TMEM30A: variants seen among roughly 807,000 people sequenced by gnomAD.
The protein encoded by TMEM30A is cell cycle control protein 50A.
TMEM30A carries 24 observed loss-of-function variants against 38.2 expected under a neutral mutation model. That is an observed-to-expected ratio of 0.63 (90% CI 0.46 to 0.88). The LOEUF is 0.88. Ranked by LOEUF, TMEM30A falls within the 40% of genes least tolerant of loss-of-function variation. TMEM30A has a pLI of 0.00. For synonymous variants in TMEM30A, 145 were observed against 161.6 expected (o/e 0.90, Z 0.78); for missense variants, 370 against 458.6 (o/e 0.81, Z 1.77).
chr6:75,265,859 G>A (rs1181786906), intron 2 of TMEM30A, among the ~76,000 whole-genome samples: 2 of 151,994 alleles, frequency 1.3e-5, no homozygotes, highest in Admixed American at 6.6e-5. Flanking sequence ...ACCACGTGCA[G>A]TTGAAACTTT....
At position 75,256,181 on chromosome 6, in the gene TMEM30A, G is replaced by C; in HGVS notation, c.1007C>G (p.Ser336Cys). The change falls in exon 7 of 7, where the codon TCC (serine) becomes TGC (cysteine). Residue 336 changes from serine to cysteine, a missense_variant. By Grantham distance (112) the Ser-to-Cys change is moderately radical. Coordinates refer to ENST00000230461, the MANE Select transcript of TMEM30A (RefSeq NM_018247.4). ...TAGCAGTACAACTCCCAGAAGGAAG[G>C]AGATGGATCCAACAGCGATGTAAGC... The part of the protein sequence containing the change: ...GIAYIAVGSI[S>C]FLLGVVLLVI... 1 of 1,613,400 alleles carries C rather than the reference G, an allele frequency of 6.2e-7. No individual in the cohort carries two copies. Among genetic ancestry groups the C allele is most frequent in the Non-Finnish European group, 8.5e-7 (1 of 1,179,484 alleles).
At chr6:75,265,182 T>C (rs753251091) in intron 3 of TMEM30A, 49 bp downstream of exon 3, 7 of 1,150,892 alleles carry the variant, frequency 6.1e-6, no homozygotes, top group African/African-American at 1.6e-5. Context: ...AGTTACTACA[T>C]ATTCTTATTT....
In TMEM30A at chr6:75,284,695, G is replaced by T; in HGVS notation, c.-57C>A. 1 of 1,576,868 alleles carries T rather than the reference G, an allele frequency of 6.3e-7. No homozygotes were observed. On this transcript the variant is annotated 5_prime_UTR_variant, in exon 1 of 7. Transcript: ENST00000230461. ...GGTGGACCACCCAGGGGGCCCGCCG[G>T]CTGACCCTGACAGGAACCGCTCGAG... is the stretch of plus-strand genomic sequence containing the variant.
chr6:75,269,135 A>C (rs1431729984), intron 1 of TMEM30A, among the ~76,000 whole-genome samples: 1 of 152,166 alleles, frequency 6.6e-6, no homozygotes, highest in African/African-American at 2.4e-5. Flanking sequence ...CATTTGCTAT[A>C]ATCGACGAAC....
In TMEM30A at chr6:75,259,353, A is replaced by C; in HGVS notation, c.679T>G (p.Phe227Val). 1.2e-6 allele frequency: 2 copies of C among 1,610,066 alleles called. No individual in the cohort carries two copies. The highest frequency in any genetic ancestry group is 1.7e-6 in the Non-Finnish European group (2 of 1,178,832). ...PPGGDNLEERFKGTTKPVNWL... is the reference protein window; with the variant it reads ...PPGGDNLEERVKGTTKPVNWL... ...GATATTAGTAATGTTTTACCTTTAA[A>C]TCGTTCTTCCAGGTTGTCTCCTCCA... Residue 227 changes from phenylalanine to valine, a missense_variant, in exon 5 of 7, where the codon TTT (phenylalanine) becomes GTT (valine). Physicochemically the swap from Phe to Val is conservative, Grantham distance 50. Transcript: ENST00000230461.
At position 75,280,768 on chromosome 6, in the gene TMEM30A, C is replaced by A. The variant is rs565782248; in HGVS notation, c.237+3634G>T. Among the ~76,000 whole-genome samples the A allele has an allele frequency of 2.7e-3, 411 of 152,152 alleles. 1 individual carries two copies. Among genetic ancestry groups the A allele is most frequent in the African/African-American group, 9.6e-3 (400 of 41,542 alleles). ...ACTAAAATCAACTTGAATATTAAAA[C>A]CTTAAACTTTTTAACATAAAAGTGC... On this transcript the variant is annotated intron_variant, in intron 1 of 6. Transcript: ENST00000230461.
intron 1 of TMEM30A, among the ~76,000 whole-genome samples, chr6:75,278,749 T>C (rs923840284): frequency 3.9e-5 from 6 of 152,210 alleles, no homozygotes. Context: ...CCTCGTTTAA[T>C]ATATTCATTA....
chr6:75,258,661 T>C (rs1771909988), intron 6 of TMEM30A, 119 bp downstream of exon 6: 1 of 814,258 alleles, frequency 1.2e-6, no homozygotes, highest in Non-Finnish European at 1.9e-6. Context: ...ACACATACTT[T>C]TGTAAAAATG....
At chr6:75,258,744 C>T in intron 6 of TMEM30A, 36 bp downstream of exon 6, 1 of 1,591,256 alleles carries the variant, frequency 6.3e-7, no homozygotes, top group South Asian at 1.1e-5. Flanking sequence ...TCCTTTCAAG[C>T]TCTATGAATC....
chr6:75,284,727 TGCC>T lies in TMEM30A; in HGVS notation c.-92_-90del, dbSNP rs939720541. The stretch of plus-strand genomic sequence containing the variant: ...CTGACAGGAACCGCTCGAGCGCCGC[TGCC>T]GCCGCCGCCGCCGCAGCCACCAGCG... On this transcript the variant is annotated 5_prime_UTR_variant, in exon 1 of 7. Coordinates refer to ENST00000230461, the MANE Select transcript of TMEM30A (RefSeq NM_018247.4). 1.0e-3 allele frequency: 1,352 copies of T among 1,342,814 alleles called. 2 individuals are homozygous for T. Among genetic ancestry groups the T allele is most frequent in the South Asian group, 9.0e-4 (76 of 84,390 alleles). 83.2% of individuals were successfully genotyped at this position (1,342,814 alleles called of 1,614,324 possible). A position where few individuals can be genotyped will look rare whatever the true frequency, so the allele number is the denominator to read the frequency against.
chr6:75,284,294 G>T, intron 1 of TMEM30A, 108 bp downstream of exon 1: 3 of 1,053,630 alleles, frequency 2.8e-6, no homozygotes, highest in Non-Finnish European at 2.9e-6. Flanking sequence ...TGGACGGCGC[G>T]AGGTCAGCCA....
At chr6:75,277,497 G>A (rs889276652) in intron 1 of TMEM30A, among the ~76,000 whole-genome samples, 6 of 152,122 alleles carry the variant, frequency 3.9e-5, no homozygotes, top group Admixed American at 6.5e-5. Context: ...CCAGCTACTC[G>A]GGAGGCCGAG....
chr6:75,274,973 T>C (rs1490567275), intron 1 of TMEM30A, among the ~76,000 whole-genome samples: 3 of 148,740 alleles, frequency 2.0e-5, no homozygotes, highest in Admixed American at 1.4e-4. Context: ...ATCGTGCCAC[T>C]GCACTCCAGC....
At chr6:75,268,031 T>A (rs1772097964) in intron 1 of TMEM30A, among the ~76,000 whole-genome samples, 1 of 152,214 alleles carries the variant, frequency 6.6e-6, no homozygotes, top group Non-Finnish European at 1.5e-5. Context: ...CAAAACTGCA[T>A]ATTTACATAG....
In TMEM30A at chr6:75,254,032, A is replaced by G. The variant is rs752580553; in HGVS notation, c.*2070T>C. 1 of 152,128 alleles carries G rather than the reference A, an allele frequency of 6.6e-6. No homozygotes were observed. Among genetic ancestry groups the G allele is most frequent in the Non-Finnish European group, 1.5e-5 (1 of 68,012 alleles). The allele number at this position is 152,128 out of a possible 1,614,324, so 9.4% of individuals were successfully genotyped here. A position where few individuals can be genotyped will look rare whatever the true frequency, so the allele number is the denominator to read the frequency against. On this transcript the variant is annotated 3_prime_UTR_variant, in exon 7 of 7. Coordinates refer to ENST00000230461, the MANE Select transcript of TMEM30A (RefSeq NM_018247.4). ...CCTCCCCCCATGCTTCACAGAGACT[A>G]TACGAATGTTCCATACTCTTCATAT... is the stretch of plus-strand genomic sequence containing the variant.
intron 6 of TMEM30A, 118 bp from the exon 7 acceptor site, chr6:75,256,413 A>C (rs1026958935): frequency 7.6e-5 from 58 of 766,038 alleles, no homozygotes; most frequent in Non-Finnish European, 1.2e-4. Context: ...ATATACAGGT[A>C]CCTCACTCCT....
chr6:75,269,654 T>C (rs1020951684), intron 1 of TMEM30A, among the ~76,000 whole-genome samples: 1 of 152,208 alleles, frequency 6.6e-6, no homozygotes, highest in African/African-American at 2.4e-5. Flanking sequence ...CTTGGCTAAA[T>C]ACAAGGTATG....
chr6:75,275,073 T>C (rs1452402165), intron 1 of TMEM30A, among the ~76,000 whole-genome samples: 1 of 152,080 alleles, frequency 6.6e-6, no homozygotes, highest in Non-Finnish European at 1.5e-5. Context: ...GCAACAACAT[T>C]TGGCATGTTG....
At chr6:75,277,290 T>C (rs1198334958) in intron 1 of TMEM30A, among the ~76,000 whole-genome samples, 1 of 123,080 alleles carries the variant, frequency 8.1e-6, no homozygotes, top group Non-Finnish European at 1.6e-5. Flanking sequence ...TAATCTCAGA[T>C]TCAATGTCCT....
Sources: gnomAD v4.1 joint callset for allele counts (sites outside exome capture counted in the v4.1 genomes callset) on GRCh38, gnomAD v4.1.1 for gene constraint, MANE v1.5 for transcripts, NCBI Gene and HGNC (gene_info 2026-07-23, HGNC 2026-07-21) for gene names.